RTN3: variants seen among roughly 807,000 people sequenced by gnomAD.
The protein encoded by RTN3 is reticulon-3.
A neutral mutation model predicts 77.8 loss-of-function variants in RTN3; 49 were observed. The ratio of observed to expected loss-of-function variants is 0.63; its 90% CI spans 0.50 to 0.80. The LOEUF (loss-of-function observed/expected upper bound fraction) is 0.80. RTN3 is among the 30% of genes least tolerant of loss of function. The probability of loss-of-function intolerance (pLI) is 0.00; values close to 1 mark genes in which losing one functional copy is unlikely to be tolerated. For missense variants in RTN3, 1,236 were observed against 1,211.9 expected (o/e 1.02, Z -0.29); for synonymous variants, 464 against 446.9 (o/e 1.04, Z -0.48).
At chr11:63,710,844 A>G (rs970779931) in intron 2 of RTN3, among the ~76,000 whole-genome samples, 1 of 152,158 alleles carries the variant, frequency 6.6e-6, no homozygotes, top group African/African-American at 2.4e-5. Context: ...AGTTGCTCTT[A>G]AGTTTGAGAG....
intron 1 of RTN3, among the ~76,000 whole-genome samples, chr11:63,688,223 C>CTT (rs34253380): frequency 0.015 from 1,987 of 130,216 alleles, 56 homozygotes; most frequent in African/African-American, 0.042. Flanking sequence ...GTGTGTTTTG[C>CTT]TTTTTTTTTT....
chr11:63,726,267 G>A (rs1252852991), intron 3 of RTN3, among the ~76,000 whole-genome samples: 2 of 152,206 alleles, frequency 1.3e-5, no homozygotes, highest in African/African-American at 4.8e-5. Flanking sequence ...GTTGACACAT[G>A]TAAGAAGAGA....
Position 63,756,120 on chromosome 11 carries a change from T to G in RTN3, c.3003T>G (p.Ile1001Met). The G allele has an allele frequency of 6.2e-7, 1 of 1,612,882 alleles. No homozygotes were observed. The highest frequency in any genetic ancestry group is 2.2e-5 in the East Asian group (1 of 44,878). The change falls in exon 8 of 9, where the codon ATT (isoleucine) becomes ATG (methionine). Residue 1001 changes from isoleucine (I) to methionine (M), a missense_variant. Around this residue, in one of 3 missense-constraint regions of RTN3, gnomAD observed 141 missense variants for 154.9 expected, o/e 0.91. Coordinates refer to ENST00000377819, the MANE Select transcript of RTN3 (RefSeq NM_001265589.2). ...ATTTTCCTTCCTTAAAGACCCAGAT[T>G]GATCACTATGTTGGCATCGCCCGAG... ...PIVYEKYKTQIDHYVGIARDQ... is the reference protein window; with the variant it reads ...PIVYEKYKTQMDHYVGIARDQ...
intron 2 of RTN3, among the ~76,000 whole-genome samples, chr11:63,717,245 T>C (rs2011466552): frequency 1.3e-5 from 2 of 152,030 alleles, no homozygotes; most frequent in Non-Finnish European, 2.9e-5. Context: ...CAGTAAAAAT[T>C]TGTTAGAGTG....
chr11:63,721,615 G>A (rs2011816489), intron 3 of RTN3, among the ~76,000 whole-genome samples: 1 of 150,608 alleles, frequency 6.6e-6, no homozygotes, highest in Non-Finnish European at 1.5e-5. Flanking sequence ...CTATGCTCCA[G>A]TTATATTTCA....
intron 1 of RTN3, among the ~76,000 whole-genome samples, chr11:63,689,287 A>C (rs897699542): frequency 2.0e-5 from 3 of 152,240 alleles, no homozygotes; most frequent in African/African-American, 7.2e-5. Flanking sequence ...TGACTTATTC[A>C]GAAGTTGCCC....
chr11:63,684,223 A>C (rs1393481140), intron 1 of RTN3, among the ~76,000 whole-genome samples: 2 of 141,184 alleles, frequency 1.4e-5, no homozygotes, highest in African/African-American at 5.5e-5. Flanking sequence ...ATCTCAGCTC[A>C]CTGCAACCTC....
At chr11:63,697,177 C>T (rs1370446994) in intron 1 of RTN3, among the ~76,000 whole-genome samples, 1 of 152,078 alleles carries the variant, frequency 6.6e-6, no homozygotes, top group Non-Finnish European at 1.5e-5. Context: ...AGCCATCGCG[C>T]CCGGCCCCGT....
At chr11:63,742,416 C>CTGG (rs932739711) in intron 3 of RTN3, among the ~76,000 whole-genome samples, 7 of 151,862 alleles carry the variant, frequency 4.6e-5, no homozygotes, top group Admixed American at 2.0e-4. Context: ...GAGGCCAAGG[C>CTGG]TGGTGGATCA....
chr11:63,745,682 T>G (rs895926724), intron 3 of RTN3, among the ~76,000 whole-genome samples: 4 of 152,240 alleles, frequency 2.6e-5, no homozygotes, highest in African/African-American at 9.6e-5. Flanking sequence ...TTATGCAGGT[T>G]GTTTACTGCA....
At chr11:63,749,296 G>C (rs777958293) in intron 3 of RTN3, among the ~76,000 whole-genome samples, 54 of 152,166 alleles carry the variant, frequency 3.5e-4, no homozygotes, top group Admixed American at 9.8e-4. Context: ...GGAGGAGGTA[G>C]TATTGTGGCT....
chr11:63,709,260 A>G (rs1205780412), intron 2 of RTN3, among the ~76,000 whole-genome samples: 1 of 152,246 alleles, frequency 6.6e-6, no homozygotes, highest in African/African-American at 2.4e-5. Flanking sequence ...TATTATCACT[A>G]TTAGTGATAT....
chr11:63,702,918 C>T (rs913866284), intron 1 of RTN3, among the ~76,000 whole-genome samples: 2 of 151,602 alleles, frequency 1.3e-5, no homozygotes, highest in African/African-American at 4.8e-5. Flanking sequence ...ACCTCCTGAC[C>T]TCGTGATCTG....
At chr11:63,697,635 C>A (rs2134685948) in intron 1 of RTN3, among the ~76,000 whole-genome samples, 1 of 152,172 alleles carries the variant, frequency 6.6e-6, no homozygotes, top group Admixed American at 6.6e-5. Flanking sequence ...GCCACCACGC[C>A]TGGCTAATTT....
Position 63,758,656 on chromosome 11 carries a change from T to G in RTN3, c.*455T>G, listed in dbSNP as rs13335. 2.0e-5 allele frequency: 6 copies of G among 306,688 alleles called. No individual in the cohort carries two copies. In the East Asian group the frequency reaches 2.6e-4, roughly 14 times the overall value. The allele number at this position is 306,688 out of a possible 1,614,324, so 19.0% of individuals were successfully genotyped here. A position where few individuals can be genotyped will look rare whatever the true frequency, so the allele number is the denominator to read the frequency against. On this transcript the variant is annotated 3_prime_UTR_variant, in exon 9 of 9. Coordinates refer to ENST00000377819, the MANE Select transcript of RTN3 (RefSeq NM_001265589.2). Reference sequence around the variant, plus strand: ...GACAGGAGTGTGATACCTTCCTTGGTTTTTTTTTGCAGCCCTCAAATCCTA... The same window carrying G: ...GACAGGAGTGTGATACCTTCCTTGGGTTTTTTTTGCAGCCCTCAAATCCTA...
Position 63,750,001 on chromosome 11 carries a change from G to C in RTN3, c.2541G>C (p.Leu847=). The change falls in exon 4 of 9, where the codon CTG becomes CTC. Residue 847 remains leucine (L), a synonymous_variant. Transcript: ENST00000377819. ...RLLTDFSVHD[L]IFWRDVKKTG... ...CTTTTCTTTTGTCAGTGCACGATCT[G>C]ATTTTCTGGAGAGATGTGAAGAAGA... The C allele has an allele frequency of 6.2e-7, 1 of 1,613,448 alleles. No homozygotes were observed. Among genetic ancestry groups the C allele is most frequent in the Non-Finnish European group, 8.5e-7 (1 of 1,179,458 alleles).
Position 63,756,143 on chromosome 11 carries a change from G to T in RTN3, c.3026G>T (p.Arg1009Leu). Residue 1009 changes from arginine to leucine, a missense_variant, in exon 8 of 9, where the codon CGA becomes CTA. By Grantham distance (102) the Arg-to-Leu change is moderately radical (BLOSUM62 -2). Coordinates refer to ENST00000377819, the MANE Select transcript of RTN3 (RefSeq NM_001265589.2). Reference protein sequence around the residue: ...TQIDHYVGIARDQTKSIVEKI... With the variant: ...TQIDHYVGIALDQTKSIVEKI... The stretch of plus-strand genomic sequence containing the variant: ...ATTGATCACTATGTTGGCATCGCCC[G>T]AGATCAGACCAAGTCAATTGTTGAA... The T allele has an allele frequency of 2.5e-6, 4 of 1,613,284 alleles. No individual in the cohort carries two copies. Among genetic ancestry groups the T allele is most frequent in the Non-Finnish European group, 2.5e-6 (3 of 1,179,314 alleles).
At chr11:63,695,949 A>G (rs1941915298) in intron 1 of RTN3, among the ~76,000 whole-genome samples, 1 of 152,306 alleles carries the variant, frequency 6.6e-6, no homozygotes, top group South Asian at 2.1e-4. Context: ...TACCTTTGTA[A>G]TATTCTTTTT....
At chr11:63,692,256 C>T (rs1487370856) in intron 1 of RTN3, among the ~76,000 whole-genome samples, 1 of 152,138 alleles carries the variant, frequency 6.6e-6, no homozygotes, top group African/African-American at 2.4e-5. Flanking sequence ...CTCCTGACCT[C>T]AAGTCGTCCA....
Sources: gnomAD v4.1 joint callset for allele counts (sites outside exome capture counted in the v4.1 genomes callset) on GRCh38, gnomAD v4.1.1 for gene constraint, gnomAD v4.1.1 regional missense constraint, MANE v1.5 for transcripts, NCBI Gene and HGNC (gene_info 2026-07-23, HGNC 2026-07-21) for gene names.